The following MTHFD1 variants were observed in gnomAD, a reference collection of about 807,000 sequenced individuals.
The protein encoded by MTHFD1 is C-1-tetrahydrofolate synthase, cytoplasmic.
In MTHFD1, 44 loss-of-function variants were observed where a neutral mutation model predicts 110.3. The ratio of observed to expected loss-of-function variants is 0.40; its 90% CI spans 0.31 to 0.51. MTHFD1 has a LOEUF of 0.51. Ranked by LOEUF, MTHFD1 falls within the 20% of genes least tolerant of loss-of-function variation. The pLI is 0.60. For synonymous variants in MTHFD1, 402 were observed against 428.8 expected (o/e 0.94, Z 0.77); for missense variants, 909 against 1,173.1 (o/e 0.77, Z 3.29).
Position 64,388,388 on chromosome 14 carries a change from A to G in MTHFD1, c.-40A>G, listed in dbSNP as rs756489504. The G allele has an allele frequency of 3.4e-5, 55 of 1,613,984 alleles. No homozygotes were observed. The highest frequency in any genetic ancestry group is 4.5e-5 in the Non-Finnish European group (53 of 1,180,024). ...GCTGCGGAGGGAGTGGAACCTCGAT[A>G]TTGGTGGTGTCCATCGTGGGCAGCG... On this transcript the variant is annotated 5_prime_UTR_variant, in exon 1 of 28. It adds an upstream start codon to the 5' untranslated region. Coordinates refer to ENST00000652337, the MANE Select transcript of MTHFD1 (RefSeq NM_005956.4).
chr14:64,444,909 T>C (rs1256143), intron 22 of MTHFD1, 175 bp downstream of exon 22: 626,704 of 675,236 alleles, frequency 0.93, 291,517 homozygotes, highest in Admixed American at 0.95. Flanking sequence ...AGGGAAGATG[T>C]ACCTCACAAA....
chr14:64,447,684 G>A (rs2078304276), intron 22 of MTHFD1, among the ~76,000 whole-genome samples: 1 of 151,910 alleles, frequency 6.6e-6, no homozygotes. Context: ...TAAAACCTTT[G>A]AAAACATCAC....
At chr14:64,428,813 A>G (rs949385046) in intron 12 of MTHFD1, among the ~76,000 whole-genome samples, 6 of 151,244 alleles carry the variant, frequency 4.0e-5, no homozygotes, top group Non-Finnish European at 5.9e-5. Context: ...TGGCCTCCCA[A>G]TGTGCTGGGA....
chr14:64,425,046 T>C (rs2078108283), intron 9 of MTHFD1, 115 bp downstream of exon 9: 1 of 1,331,000 alleles, frequency 7.5e-7, no homozygotes, highest in Non-Finnish European at 1.0e-6. Flanking sequence ...TGTGAATTTA[T>C]TGAGAAAAAG....
At chr14:64,403,427 C>G (rs557717108) in intron 2 of MTHFD1, among the ~76,000 whole-genome samples, 4 of 151,950 alleles carry the variant, frequency 2.6e-5, no homozygotes, top group African/African-American at 9.7e-5. Flanking sequence ...GGTGCCACGC[C>G]CAGCTAATTT....
At chr14:64,455,043 A>T in intron 26 of MTHFD1, 168 bp downstream of exon 26, 1 of 705,688 alleles carries the variant, frequency 1.4e-6, no homozygotes, top group Admixed American at 2.1e-5. Flanking sequence ...AGCAGGAGCT[A>T]TATAGCTCTT....
At chr14:64,414,443 C>T (rs2078009735) in intron 4 of MTHFD1, among the ~76,000 whole-genome samples, 2 of 152,014 alleles carry the variant, frequency 1.3e-5, no homozygotes, top group African/African-American at 4.8e-5. Context: ...AGGCATGCGC[C>T]ACTATGCCCG....
chr14:64,424,998 C>T lies in MTHFD1; in HGVS notation c.855+67C>T. On this transcript the variant is annotated intron_variant, in intron 9 of 27. Transcript: ENST00000652337. The stretch of plus-strand genomic sequence containing the variant: ...GATCGAGTTTTGGCTGCTTTTCTCC[C>T]CAAGTAGAAATGTCAAAAACCTACT... 4 of 1,591,976 alleles carry T rather than the reference C, an allele frequency of 2.5e-6. No homozygotes were observed. The South Asian group carries it at 4.5e-5, about 18-fold the overall frequency.
chr14:64,415,338 A>T lies in MTHFD1; in HGVS notation c.241-20A>T, dbSNP rs1234946838. 1.9e-6 allele frequency: 3 copies of T among 1,596,000 alleles called. No homozygotes were observed. The African/African-American group carries it at 4.0e-5, about 21-fold the overall frequency. On this transcript the variant is annotated intron_variant, in intron 4 of 27. Coordinates refer to ENST00000652337, the MANE Select transcript of MTHFD1 (RefSeq NM_005956.4). Reference sequence around the variant, plus strand: ...TTGATTTCTGTGTGATATACAAATTATATATGGTATTACTTTTAGGTGATG... The same window carrying T: ...TTGATTTCTGTGTGATATACAAATTTTATATGGTATTACTTTTAGGTGATG...
At chr14:64,396,824 G>C (rs1363165815) in intron 1 of MTHFD1, among the ~76,000 whole-genome samples, 2 of 150,750 alleles carry the variant, frequency 1.3e-5, no homozygotes, top group East Asian at 4.0e-4. Flanking sequence ...TCTTATAATA[G>C]CTGGGCGCCG....
At chr14:64,440,043 G>C (rs1170009652) in intron 17 of MTHFD1, 83 bp from the exon 18 acceptor site, 2 of 1,287,210 alleles carry the variant, frequency 1.6e-6, no homozygotes, top group African/African-American at 2.9e-5. Flanking sequence ...TTAAGCCTCA[G>C]ATGTAAAAGA....
intron 17 of MTHFD1, 40 bp downstream of exon 17, chr14:64,439,212 C>A: frequency 6.8e-7 from 1 of 1,463,300 alleles, no homozygotes; most frequent in Admixed American, 1.7e-5. Flanking sequence ...AGTTCAGAGG[C>A]ACTAGATCTT....
At chr14:64,456,665 C>G (rs568123599) in intron 26 of MTHFD1, among the ~76,000 whole-genome samples, 2 of 152,200 alleles carry the variant, frequency 1.3e-5, no homozygotes, top group East Asian at 1.9e-4. Context: ...GTCTAAGGAC[C>G]CATCCTTTCC....
chr14:64,457,983 T>A, intron 26 of MTHFD1: 1 of 592,566 alleles, frequency 1.7e-6, no homozygotes, highest in Non-Finnish European at 3.0e-6. Flanking sequence ...CTCAACCTCC[T>A]AGCCTCAAGC....
At chr14:64,411,902 GAA>G (rs368259635) in intron 3 of MTHFD1, among the ~76,000 whole-genome samples, 1 of 146,356 alleles carries the variant, frequency 6.8e-6, no homozygotes, top group Admixed American at 6.8e-5. Flanking sequence ...GCTCCAACCA[GAA>G]AAAAAAAAGA....
At chr14:64,419,633 T>C (rs1360686743) in intron 7 of MTHFD1, among the ~76,000 whole-genome samples, 181 bp from the exon 8 acceptor site, 3 of 152,198 alleles carry the variant, frequency 2.0e-5, no homozygotes, top group African/African-American at 4.8e-5. Context: ...GCACGGCATG[T>C]GAAGGGCTGT....
chr14:64,457,909 G>A (rs922552715), intron 26 of MTHFD1: 11 of 448,212 alleles, frequency 2.5e-5, no homozygotes, highest in South Asian at 1.2e-4. Flanking sequence ...ATGACTTTAC[G>A]TTTATTTTAG....
chr14:64,435,456 GT>G (rs2078198916), intron 15 of MTHFD1, 112 bp from the exon 16 acceptor site: 1 of 749,078 alleles, frequency 1.3e-6, no homozygotes, highest in Admixed American at 1.9e-5. Flanking sequence ...ATTTAAGATG[GT>G]TTGCATTTCC....
At chr14:64,450,729 A>G (rs2078356126) in intron 24 of MTHFD1, among the ~76,000 whole-genome samples, 1 of 152,110 alleles carries the variant, frequency 6.6e-6, no homozygotes, top group South Asian at 2.1e-4. Context: ...TTGTTTTAAG[A>G]CAGGGTCTTG....
Sources: gnomAD v4.1 joint callset for allele counts (sites outside exome capture counted in the v4.1 genomes callset) on GRCh38, gnomAD v4.1.1 for gene constraint, MANE v1.5 for transcripts, NCBI Gene and HGNC (gene_info 2026-07-23, HGNC 2026-07-21) for gene names.